The following NPAS3 variants were observed in gnomAD, a reference collection of about 807,000 sequenced individuals.
The protein encoded by NPAS3 is neuronal PAS domain-containing protein 3.
NPAS3 carries 14 observed loss-of-function variants against 73.1 expected under a neutral mutation model. The ratio of observed to expected loss-of-function variants is 0.19; its 90% CI spans 0.13 to 0.30. The LOEUF is 0.30. NPAS3 is among the 10% of genes least tolerant of loss of function. The pLI is 1.00. For synonymous variants in NPAS3, 620 were observed against 541.5 expected, an observed-to-expected ratio of 1.14 and a Z score of -2.01; for missense variants, 1,096 against 1,250.0, an observed-to-expected ratio of 0.88 and a Z score of 1.86.
chr14:33,494,558 G>T (rs148443639), intron 4 of NPAS3, among the ~76,000 whole-genome samples: 2,564 of 152,152 alleles, frequency 0.017, 29 homozygotes, highest in Non-Finnish European at 0.026. Context: ...TTTCAGCTGG[G>T]GAAATGTCAG....
chr14:33,456,145 G>C (rs1416930666), intron 4 of NPAS3, among the ~76,000 whole-genome samples: 5 of 152,182 alleles, frequency 3.3e-5, no homozygotes, highest in Non-Finnish European at 7.3e-5. Context: ...TGTGAGATAT[G>C]GCTTCCATCT....
chr14:33,659,554 T>G (rs149360135), intron 5 of NPAS3, among the ~76,000 whole-genome samples: 1 of 152,166 alleles, frequency 6.6e-6, no homozygotes, highest in Admixed American at 6.5e-5. Context: ...CAAGAACTTA[T>G]TAGCCTCAAA....
chr14:33,601,725 T>A (rs1188458310), intron 5 of NPAS3, among the ~76,000 whole-genome samples: 1 of 152,226 alleles, frequency 6.6e-6, no homozygotes, highest in African/African-American at 2.4e-5. Flanking sequence ...GGAAAGTAAC[T>A]TAGACTTAAT....
intron 4 of NPAS3, among the ~76,000 whole-genome samples, chr14:33,535,977 T>C (rs888952812): frequency 6.6e-5 from 10 of 152,206 alleles, no homozygotes; most frequent in Non-Finnish European, 1.5e-4. Flanking sequence ...AGGAATACTC[T>C]CTTTGGCCAT....
intron 4 of NPAS3, among the ~76,000 whole-genome samples, chr14:33,496,812 C>T (rs78177695): frequency 2.0e-5 from 3 of 152,122 alleles, no homozygotes; most frequent in African/African-American, 7.2e-5. Context: ...CCCTCTCTCA[C>T]CACTCCTATT....
intron 1 of NPAS3, among the ~76,000 whole-genome samples, chr14:33,026,210 T>C (rs1044704773): frequency 6.6e-6 from 1 of 152,210 alleles, no homozygotes; most frequent in East Asian, 1.9e-4. Context: ...TAGCTAGTCT[T>C]CTGGCTGGCC....
downstream of NPAS3, chr14:33,802,815 T>C (rs1187496192): frequency 6.6e-6 from 1 of 152,166 alleles, no homozygotes; most frequent in African/African-American, 2.4e-5. Context: ...GAATCTTCCG[T>C]TTTACCTTTT....
At chr14:33,770,862 C>A (rs1315644320) in intron 7 of NPAS3, among the ~76,000 whole-genome samples, 1 of 152,080 alleles carries the variant, frequency 6.6e-6, no homozygotes, top group Non-Finnish European at 1.5e-5. Flanking sequence ...ATCACACCAC[C>A]GCACTCCAGC....
At chr14:33,767,200 C>A (rs1243132276) in intron 7 of NPAS3, among the ~76,000 whole-genome samples, 1 of 152,180 alleles carries the variant, frequency 6.6e-6, no homozygotes, top group East Asian at 1.9e-4. Context: ...TCTGCTAGGG[C>A]AGATTCTCCA....
At chr14:33,756,653 T>C (rs1030575625) in intron 7 of NPAS3, among the ~76,000 whole-genome samples, 12 of 152,202 alleles carry the variant, frequency 7.9e-5, no homozygotes, top group Non-Finnish European at 1.5e-4. Flanking sequence ...TTAGAGGCTA[T>C]TGTAAGGATT....
chr14:33,307,547 C>T (rs2042802222), intron 3 of NPAS3, among the ~76,000 whole-genome samples: 2 of 148,378 alleles, frequency 1.3e-5, no homozygotes, highest in Non-Finnish European at 3.0e-5. Context: ...CCCTAAAACT[C>T]TTCCTGCCAA....
intron 4 of NPAS3, among the ~76,000 whole-genome samples, chr14:33,483,329 C>A (rs2051422050): frequency 6.6e-6 from 1 of 152,128 alleles, no homozygotes; most frequent in Non-Finnish European, 1.5e-5. Context: ...TGTTGGGCTG[C>A]TTGTCTCCAC....
intron 6 of NPAS3, among the ~76,000 whole-genome samples, chr14:33,732,658 T>A (rs946761225): frequency 2.0e-5 from 3 of 152,198 alleles, no homozygotes; most frequent in Non-Finnish European, 2.9e-5. Context: ...CACATGCTCT[T>A]GAAATAAAGC....
chr14:33,004,029 A>T (rs1959170), intron 1 of NPAS3, among the ~76,000 whole-genome samples: 1 of 152,030 alleles, frequency 6.6e-6, no homozygotes, highest in Non-Finnish European at 1.5e-5. Flanking sequence ...TTAGTTAACC[A>T]CAGTTTTCTA....
intron 4 of NPAS3, among the ~76,000 whole-genome samples, chr14:33,439,374 G>A (rs563082219): frequency 6.6e-6 from 1 of 152,284 alleles, no homozygotes; most frequent in Admixed American, 6.5e-5. Context: ...GTTATACCTT[G>A]AAATTCATTG....
chr14:33,802,395 A>AAAAAAAAAAAAAAAAAAAAAAAAAAAAAC, downstream of NPAS3: 1 of 150,890 alleles, frequency 6.6e-6, no homozygotes, highest in East Asian at 1.9e-4. Flanking sequence ...AAAAAAAGAA[A>AAAAAAAAAAAAAAAAAAAAAAAAAAAAAC]AAAAAAAGAA....
intron 5 of NPAS3, among the ~76,000 whole-genome samples, chr14:33,614,703 AAGCCATTATCTAGTTCTTC>A (rs1161338828): frequency 3.9e-5 from 6 of 152,224 alleles, no homozygotes; most frequent in African/African-American, 1.4e-4. Flanking sequence ...TAAAGGACTT[AAGCCATTATCTAGTTCTTC>A]AGCCCCCAAA....
At chr14:33,722,084 G>A (rs2061129309) in intron 6 of NPAS3, among the ~76,000 whole-genome samples, 1 of 152,178 alleles carries the variant, frequency 6.6e-6, no homozygotes. Context: ...ACAGGAATGT[G>A]TCATGCCAGT....
intron 1 of NPAS3, among the ~76,000 whole-genome samples, chr14:32,963,933 C>T (rs771682286): frequency 6.3e-4 from 95 of 151,864 alleles, no homozygotes; most frequent in Admixed American, 2.2e-3. Context: ...GTCTGAGACA[C>T]CATTAATTAA....
Sources: gnomAD v4.1 joint callset for allele counts (sites outside exome capture counted in the v4.1 genomes callset) on GRCh38, gnomAD v4.1.1 for gene constraint, MANE v1.5 for transcripts, NCBI Gene and HGNC (gene_info 2026-07-23, HGNC 2026-07-21) for gene names.